OPTN: variants seen among roughly 807,000 people sequenced by gnomAD.
OPTN encodes the protein E3-14.7K-interacting protein.
OPTN carries 54 observed loss-of-function variants against 70.4 expected under a neutral mutation model. The observed-to-expected ratio is 0.77, with a 90% CI of 0.62 to 0.96. The LOEUF (loss-of-function observed/expected upper bound fraction) is 0.96. OPTN is among the 40% of genes least tolerant of loss of function. The pLI is 0.00. For synonymous variants in OPTN, 256 were observed against 248.5 expected, an observed-to-expected ratio of 1.03 and a Z score of -0.28; for missense variants, 624 against 673.2, an observed-to-expected ratio of 0.93 and a Z score of 0.81.
Position 13,125,457 on chromosome 10 carries a change from A to C in OPTN, c.1038A>C (p.Ser346=), listed in dbSNP as rs181131178. The stretch of plus-strand genomic sequence containing the variant: ...AAAGGAAAAATTCTGCAATTCCATC[A>C]GAGTTGAATGAAAAGCAAGAGCTTG... ...ALERKNSAIP[S]ELNEKQELVY... The change falls in exon 10 of 15, where the codon TCA becomes TCC. Residue 346 remains serine (S), a synonymous_variant. Transcript: ENST00000378747. 3 of 1,614,180 alleles carry C rather than the reference A, an allele frequency of 1.9e-6. No individual in the cohort carries two copies. Among genetic ancestry groups the C allele is most frequent in the African/African-American group, 1.3e-5 (1 of 75,060 alleles).
chr10:13,126,571 C>G (rs1293628128), intron 11 of OPTN, among the ~76,000 whole-genome samples: 1 of 151,978 alleles, frequency 6.6e-6, no homozygotes, highest in East Asian at 1.9e-4. Flanking sequence ...TGAGCCACCG[C>G]GCCCGGCCAG....
chr10:13,124,316 C>A (rs1833414265), intron 9 of OPTN, among the ~76,000 whole-genome samples: 1 of 152,154 alleles, frequency 6.6e-6, no homozygotes, highest in Non-Finnish European at 1.5e-5. Flanking sequence ...GACTGGAGAA[C>A]TTTAATTCTG....
chr10:13,127,504 A>G (rs1322622342), intron 11 of OPTN, among the ~76,000 whole-genome samples: 1 of 152,070 alleles, frequency 6.6e-6, no homozygotes, highest in Non-Finnish European at 1.5e-5. Flanking sequence ...TGAATAAGTT[A>G]GCGTTGCTGA....
chr10:13,106,520 C>T (rs1247622573), intron 1 of OPTN, among the ~76,000 whole-genome samples: 1 of 152,176 alleles, frequency 6.6e-6, no homozygotes. Flanking sequence ...GTAAGATTGC[C>T]ATCACCCTCA....
chr10:13,136,853 A>T lies in OPTN; in HGVS notation c.1721A>T (p.Asp574Val), dbSNP rs768992273. The T allele has an allele frequency of 6.2e-7, 1 of 1,614,202 alleles. No individual in the cohort carries two copies. The highest frequency in any genetic ancestry group is 8.5e-7 in the Non-Finnish European group (1 of 1,180,026). ...DIDTLQIHVM[D>V]CII Reference sequence around the variant, plus strand: ...GACACGTTACAGATTCACGTGATGGATTGCATCATTTAAGTGTTGATGTAT... The same window carrying T: ...GACACGTTACAGATTCACGTGATGGTTTGCATCATTTAAGTGTTGATGTAT... The change falls in exon 15 of 15, where the codon GAT (aspartate) becomes GTT (valine). Residue 574 changes from aspartate (D) to valine (V), a missense_variant. Asp to Val is a radical substitution (Grantham distance 152). Coordinates refer to ENST00000378747, the MANE Select transcript of OPTN (RefSeq NM_001008212.2).
chr10:13,114,631 C>T (rs570485622), intron 5 of OPTN, among the ~76,000 whole-genome samples: 34 of 147,686 alleles, frequency 2.3e-4, no homozygotes, highest in Non-Finnish European at 4.8e-4. Context: ...ACCCCCATGG[C>T]CCCAAGCAGA....
intron 1 of OPTN, among the ~76,000 whole-genome samples, chr10:13,105,940 A>G (rs568190510): frequency 6.6e-6 from 1 of 152,176 alleles, no homozygotes; most frequent in Admixed American, 6.5e-5. Flanking sequence ...GAGGAAAAAA[A>G]TCTTAACAGT....
intron 14 of OPTN, among the ~76,000 whole-genome samples, chr10:13,135,728 C>A (rs1475510248): frequency 3.3e-5 from 5 of 152,118 alleles, no homozygotes; most frequent in Non-Finnish European, 7.4e-5. Flanking sequence ...TTCTAGGAGA[C>A]CTCTCCTGGG....
chr10:13,108,609 C>T (rs535941387), intron 2 of OPTN, among the ~76,000 whole-genome samples: 6 of 150,872 alleles, frequency 4.0e-5, no homozygotes, highest in African/African-American at 1.5e-4. Flanking sequence ...TGCAGTGGCG[C>T]GATCTTGGCT....
intron 11 of OPTN, among the ~76,000 whole-genome samples, 191 bp downstream of exon 11, chr10:13,126,230 C>G (rs116281687): frequency 1.3e-5 from 2 of 151,320 alleles, no homozygotes; most frequent in Non-Finnish European, 2.9e-5. Context: ...TGCTTTATTG[C>G]GTACAAAGAT....
chr10:13,124,369 C>A (rs1371079718), intron 9 of OPTN, among the ~76,000 whole-genome samples: 1 of 152,096 alleles, frequency 6.6e-6, no homozygotes, highest in Admixed American at 6.6e-5. Context: ...TGGGTAAGAT[C>A]TCTACAGTAA....
In OPTN at chr10:13,132,023, A is replaced by G. The variant is rs142212518; in HGVS notation, c.1402-44A>G. The G allele has an allele frequency of 1.2e-5, 19 of 1,596,574 alleles. No homozygotes were observed. The East Asian group carries it at 2.7e-4, about 23-fold the overall frequency. The stretch of plus-strand genomic sequence containing the variant: ...TCGCATAAACACTGTAAGAATCTGC[A>G]TTCATCTAGGTACTAACTTCTGTAT... On this transcript the variant is annotated intron_variant, in intron 12 of 14. Transcript: ENST00000378747.
Position 13,133,450 on chromosome 10 carries a change from A to G in OPTN, c.1533-52A>G. On this transcript the variant is annotated intron_variant, in intron 13 of 14. Coordinates refer to ENST00000378747, the MANE Select transcript of OPTN (RefSeq NM_001008212.2). ...TGTGGACTGTCTGCTCAGTGTTGTC[A>G]TGTTTCGGGGTTGTAGAACATCACA... is the stretch of plus-strand genomic sequence containing the variant. 4.1e-6 allele frequency: 6 copies of G among 1,481,402 alleles called. No homozygotes were observed. In the South Asian group the frequency reaches 6.8e-5, roughly 17 times the overall value. 91.8% of individuals were successfully genotyped at this position (1,481,402 alleles called of 1,614,324 possible).
intron 5 of OPTN, among the ~76,000 whole-genome samples, chr10:13,115,585 A>G (rs1833187237): frequency 7.5e-6 from 1 of 133,800 alleles, no homozygotes; most frequent in Non-Finnish European, 1.5e-5. Flanking sequence ...ATAATTACAT[A>G]TATAACATTA....
intron 7 of OPTN, 134 bp from the exon 8 acceptor site, chr10:13,122,251 T>C: frequency 2.9e-6 from 2 of 684,462 alleles, no homozygotes; most frequent in Non-Finnish European, 5.3e-6. Flanking sequence ...ATATAGTGAA[T>C]GTGTAGAGAT....
Position 13,112,656 on chromosome 10 carries a change from T to C in OPTN, c.552+21T>C, listed in dbSNP as rs148952821. On this transcript the variant is annotated intron_variant, in intron 5 of 14. Transcript: ENST00000378747. ...TGGCTGTGAGTTTTTGGTTTTATTT[T>C]TGTTTTGAGCAAACTATAAAGCCTC... The C allele has an allele frequency of 8.6e-5, 138 of 1,613,046 alleles. No individual in the cohort carries two copies. In the African/African-American group the frequency reaches 1.3e-3, roughly 15 times the overall value.
rs1833714346 is a variant in OPTN, at chr10:13,136,938, GTTAT to G, written c.*75_*78del. On this transcript the variant is annotated 3_prime_UTR_variant, in exon 15 of 15. Coordinates refer to ENST00000378747, the MANE Select transcript of OPTN (RefSeq NM_001008212.2). ...TTTCCTCCAAGAGTTGTGCTTTTGTGTTATTTGTTTTCACTCAAATATTTTGCCT... is the reference window on the plus strand; with the variant it reads ...TTTCCTCCAAGAGTTGTGCTTTTGTGTTGTTTTCACTCAAATATTTTGCCT... The G allele has an allele frequency of 1.3e-6, 2 of 1,595,712 alleles. No individual in the cohort carries two copies. The highest frequency in any genetic ancestry group is 1.3e-5 in the African/African-American group (1 of 74,548).
intron 11 of OPTN, among the ~76,000 whole-genome samples, chr10:13,127,540 A>AT (rs1833493092): frequency 6.6e-6 from 1 of 152,064 alleles, no homozygotes; most frequent in South Asian, 2.1e-4. Flanking sequence ...GAGCTGATAC[A>AT]TTTTTTAGAT....
intron 12 of OPTN, among the ~76,000 whole-genome samples, chr10:13,129,936 T>C (rs1441745632): frequency 6.6e-6 from 1 of 152,248 alleles, no homozygotes; most frequent in African/African-American, 2.4e-5. Context: ...GCTTTAGTTT[T>C]ATTTCTACAG....
Sources: allele counts gnomAD v4.1 joint callset (sites outside exome capture counted in the v4.1 genomes callset), GRCh38; gene constraint gnomAD v4.1.1; transcripts MANE v1.5; gene names NCBI Gene and HGNC (gene_info 2026-07-23, HGNC 2026-07-21).